Variants in DLG1 observed in about 807,000 individuals in gnomAD.
DLG1 encodes the protein disks large homolog 1.
A neutral mutation model predicts 123.4 loss-of-function variants in DLG1; 42 were observed. The ratio of observed to expected loss-of-function variants is 0.34; its 90% confidence interval spans 0.27 to 0.44. DLG1 has a LOEUF of 0.44. Among genes scored for constraint, DLG1 ranks in the 20% least tolerant of loss-of-function variants. The pLI, the probability that DLG1 is intolerant of heterozygous loss-of-function variation, is 1.00. For missense variants in DLG1, 942 were observed against 1,082.6 expected (o/e 0.87, Z 1.82); for synonymous variants, 317 against 356.2 (o/e 0.89, Z 1.24).
chr3:197,131,580 CTTTCTTTT>C (rs1225715750), intron 10 of DLG1, among the ~76,000 whole-genome samples: 1,381 of 120,614 alleles, frequency 0.011, 58 homozygotes, highest in Non-Finnish European at 0.018. Flanking sequence ...TTATTTCTTC[CTTTCTTTT>C]TTTTTTTTTT....
chr3:197,056,618 T>C (rs1731840860), intron 23 of DLG1, among the ~76,000 whole-genome samples: 1 of 152,232 alleles, frequency 6.6e-6, no homozygotes, highest in Non-Finnish European at 1.5e-5. Flanking sequence ...CTAGATTATT[T>C]AGGTTTTCTA....
intron 11 of DLG1, among the ~76,000 whole-genome samples, chr3:197,123,592 T>G (rs140327391): frequency 2.0e-4 from 30 of 152,288 alleles, no homozygotes; most frequent in African/African-American, 6.3e-4. Context: ...CTATTCATAA[T>G]TAAAAAGATG....
intron 5 of DLG1, among the ~76,000 whole-genome samples, chr3:197,158,552 T>C (rs904074816): frequency 1.4e-5 from 2 of 145,904 alleles, no homozygotes; most frequent in Admixed American, 1.4e-4. Flanking sequence ...GAGAATCACC[T>C]GAACCCGGGA....
At chr3:197,099,896 C>T (rs1428409543) in intron 14 of DLG1, among the ~76,000 whole-genome samples, 3 of 152,186 alleles carry the variant, frequency 2.0e-5, no homozygotes, top group African/African-American at 7.2e-5. Context: ...CTCTGGCATA[C>T]TCGGAGGATT....
chr3:197,199,936 A>G (rs1724734155), intron 4 of DLG1, among the ~76,000 whole-genome samples: 1 of 152,190 alleles, frequency 6.6e-6, no homozygotes, highest in Admixed American at 6.5e-5. Flanking sequence ...AGAACATTCT[A>G]AACACATTTC....
chr3:197,090,428 T>C (rs1018228495), intron 15 of DLG1, among the ~76,000 whole-genome samples: 7 of 152,098 alleles, frequency 4.6e-5, no homozygotes, highest in South Asian at 4.1e-4. Context: ...CCCAAGTGTT[T>C]AAAAAATGCA....
chr3:197,097,886 T>A (rs925212444), intron 14 of DLG1, among the ~76,000 whole-genome samples: 9 of 152,130 alleles, frequency 5.9e-5, no homozygotes, highest in African/African-American at 2.2e-4. Flanking sequence ...AACCCTCTTT[T>A]TGTATTTTCT....
In DLG1 at chr3:197,087,434, T is replaced by C. The variant is rs895420898; in HGVS notation, c.1662-1678A>G. Reference sequence around the variant, plus strand: ...GGTGGTGTGTGCCTGTAGTCCCAGCTACTTGGGATGTTAAGGTGTGAGGAT... The same window carrying C: ...GGTGGTGTGTGCCTGTAGTCCCAGCCACTTGGGATGTTAAGGTGTGAGGAT... On this transcript the variant is annotated intron_variant, in intron 15 of 24. Coordinates refer to ENST00000667157, the MANE Select transcript of DLG1 (RefSeq NM_001366207.1). Among the ~76,000 whole-genome samples the C allele has an allele frequency of 2.0e-5, 3 of 151,956 alleles. No homozygotes were observed. The East Asian group carries it at 5.8e-4, about 29-fold the overall frequency.
chr3:197,187,988 A>T (rs1280608116), intron 5 of DLG1, among the ~76,000 whole-genome samples: 1 of 152,132 alleles, frequency 6.6e-6, no homozygotes, highest in African/African-American at 2.4e-5. Context: ...CCCAATCACT[A>T]TCTTACTTTA....
intron 1 of DLG1, chr3:197,298,227 G>A: frequency 3.0e-6 from 1 of 328,368 alleles, no homozygotes; most frequent in Non-Finnish European, 5.5e-6. Flanking sequence ...GGCTCCCCGC[G>A]CTGCTACCTT....
At chr3:197,125,211 G>C (rs1308565720) in intron 11 of DLG1, among the ~76,000 whole-genome samples, 8 of 152,138 alleles carry the variant, frequency 5.3e-5, no homozygotes, top group African/African-American at 1.4e-4. Context: ...AAGGTTTGAG[G>C]GGAGAGAAAA....
intron 23 of DLG1, 49 bp from the exon 24 acceptor site, chr3:197,051,717 TAAA>T (rs35272365): frequency 9.8e-6 from 14 of 1,423,180 alleles, no homozygotes; most frequent in Admixed American, 3.6e-5. Context: ...ATAATACTTT[TAAA>T]AAAAAGATGG....
intron 5 of DLG1, among the ~76,000 whole-genome samples, chr3:197,162,970 T>C (rs1473818686): frequency 6.6e-6 from 1 of 152,146 alleles, no homozygotes; most frequent in Non-Finnish European, 1.5e-5. Flanking sequence ...GGGTTTAATA[T>C]CCAGAACATT....
At chr3:197,237,776 G>A (rs1296445236) in intron 4 of DLG1, among the ~76,000 whole-genome samples, 3 of 152,196 alleles carry the variant, frequency 2.0e-5, no homozygotes, top group Non-Finnish European at 4.4e-5. Flanking sequence ...CAGTAACAAG[G>A]TGCACAACCC....
intron 5 of DLG1, among the ~76,000 whole-genome samples, chr3:197,158,567 G>A (rs1348106590): frequency 1.3e-5 from 2 of 149,752 alleles, no homozygotes; most frequent in Admixed American, 6.7e-5. Context: ...CCGGGAGGTG[G>A]AGGCTGTGGT....
At chr3:197,183,746 A>G in intron 5 of DLG1, 2 of 1,550,516 alleles carry the variant, frequency 1.3e-6, no homozygotes, top group Non-Finnish European at 1.7e-6. Flanking sequence ...GGCTAGAGCT[A>G]GTATTGCCTC....
Position 197,197,031 on chromosome 3 carries a change from A to T in DLG1, c.319-2442T>A, listed in dbSNP as rs578019584. Among the ~76,000 whole-genome samples the T allele has an allele frequency of 5.9e-5, 9 of 152,326 alleles. No homozygotes were observed. In the South Asian group the frequency reaches 1.9e-3, roughly 32 times the overall value. On this transcript the variant is annotated intron_variant, in intron 4 of 24. Transcript: ENST00000667157. Reference sequence around the variant, plus strand: ...CTCATTCTTGAAAGAAATAATTTTAAAACTATGTCTTTTAAGTATCTTTTA... The same window carrying T: ...CTCATTCTTGAAAGAAATAATTTTATAACTATGTCTTTTAAGTATCTTTTA...
intron 6 of DLG1, among the ~76,000 whole-genome samples, chr3:197,146,058 T>C (rs894927787): frequency 1.3e-5 from 2 of 151,396 alleles, no homozygotes; most frequent in African/African-American, 4.8e-5. Flanking sequence ...CTTTTTACAA[T>C]AGCTAAAGGA....
At chr3:197,166,023 A>G (rs1029536759) in intron 5 of DLG1, among the ~76,000 whole-genome samples, 1 of 152,186 alleles carries the variant, frequency 6.6e-6, no homozygotes, top group African/African-American at 2.4e-5. Flanking sequence ...CAGGGAGTGG[A>G]AGGGAGGCAA....
Sources: allele counts gnomAD v4.1 joint callset (sites outside exome capture counted in the v4.1 genomes callset), GRCh38; gene constraint gnomAD v4.1.1; transcripts MANE v1.5; gene names NCBI Gene and HGNC (gene_info 2026-07-23, HGNC 2026-07-21).